Variants in COL19A1 observed in about 807,000 individuals in gnomAD.
The protein encoded by COL19A1 is collagen alpha-1(XIX) chain.
COL19A1 carries 159 observed loss-of-function variants against 190.2 expected under a neutral mutation model. The ratio of observed to expected loss-of-function variants is 0.84; its 90% CI spans 0.73 to 0.95. COL19A1 has a LOEUF of 0.95. Among genes scored for constraint, COL19A1 ranks in the 40% least tolerant of loss-of-function variants. The pLI, the probability that COL19A1 is intolerant of heterozygous loss-of-function variation, is 0.00. For synonymous variants in COL19A1, 509 were observed against 458.9 expected, an observed-to-expected ratio of 1.11 and a Z score of -1.39; for missense variants, 1,418 against 1,431.9, an observed-to-expected ratio of 0.99 and a Z score of 0.16.
Position 70,173,791 on chromosome 6 carries a change from G to A in COL19A1, c.2622+1774G>A, listed in dbSNP as rs149569722. Reference sequence around the variant, plus strand: ...AATAAATAGGCCAGAGGCTGCTAGAGGAAGTAGGGTCGAGGTTTTATAAGA... The same window carrying A: ...AATAAATAGGCCAGAGGCTGCTAGAAGAAGTAGGGTCGAGGTTTTATAAGA... On this transcript the variant is annotated intron_variant, in intron 41 of 50. Coordinates refer to ENST00000620364, the MANE Select transcript of COL19A1 (RefSeq NM_001858.6). 2.6e-5 allele frequency among the ~76,000 whole-genome samples: 4 copies of A among 152,264 alleles called. No homozygotes were observed. The East Asian group carries it at 5.8e-4, about 22-fold the overall frequency.
chr6:69,936,153 G>A (rs910745749), intron 7 of COL19A1, among the ~76,000 whole-genome samples: 8 of 151,974 alleles, frequency 5.3e-5, no homozygotes, highest in South Asian at 4.1e-4. Flanking sequence ...AAAAATGTTC[G>A]TTGCTTTGTA....
intron 41 of COL19A1, among the ~76,000 whole-genome samples, chr6:70,173,331 CA>C (rs981164188): frequency 7.9e-5 from 12 of 152,096 alleles, no homozygotes; most frequent in African/African-American, 2.9e-4. Context: ...ATAAGATTAC[CA>C]AGGGAATGCC....
chr6:70,125,606 GA>G (rs1247535700), intron 17 of COL19A1, among the ~76,000 whole-genome samples: 3 of 151,084 alleles, frequency 2.0e-5, no homozygotes, highest in Non-Finnish European at 4.4e-5. Context: ...AAATGAGGAA[GA>G]AAAAAAAAGC....
At chr6:69,878,063 G>A (rs1466733361) in intron 1 of COL19A1, among the ~76,000 whole-genome samples, 1 of 151,812 alleles carries the variant, frequency 6.6e-6, no homozygotes, top group African/African-American at 2.4e-5. Flanking sequence ...GAATAGACAT[G>A]TCTCCAAAGA....
At chr6:69,922,399 AGAAAC>A (rs1772036501) in intron 4 of COL19A1, among the ~76,000 whole-genome samples, 1 of 151,398 alleles carries the variant, frequency 6.6e-6, no homozygotes. Flanking sequence ...TTGTCACAGC[AGAAAC>A]TACTCATGAG....
chr6:70,035,519 T>C (rs1779305821), intron 13 of COL19A1, among the ~76,000 whole-genome samples: 1 of 152,220 alleles, frequency 6.6e-6, no homozygotes, highest in African/African-American at 2.4e-5. Flanking sequence ...TTATTTCTGC[T>C]GATCTTCATA....
chr6:70,074,708 G>A (rs75362801), intron 15 of COL19A1, among the ~76,000 whole-genome samples: 30,988 of 149,764 alleles, frequency 0.21, 4,221 homozygotes, highest in Non-Finnish European at 0.3. Context: ...AGAAAAGAAT[G>A]GATAATTATG....
chr6:70,192,879 C>T (rs1322588174), intron 48 of COL19A1, among the ~76,000 whole-genome samples: 1 of 152,076 alleles, frequency 6.6e-6, no homozygotes, highest in Admixed American at 6.6e-5. Context: ...AAGAGAAATG[C>T]CAGCGTATGT....
rs572187086 is a variant in COL19A1, at chr6:70,184,797, C to G, written c.2811+59C>G. 2,644 of 1,603,704 alleles carry G rather than the reference C, an allele frequency of 1.6e-3. 57 individuals are homozygous for G. In the South Asian group the frequency reaches 0.028, roughly 17 times the overall value. On this transcript the variant is annotated intron_variant, in intron 45 of 50. Coordinates refer to ENST00000620364, the MANE Select transcript of COL19A1 (RefSeq NM_001858.6). ...ATGCATACTGCATCCAGAATACCTA[C>G]CAACATTTACATCAATCAGACTGAT...
chr6:69,921,366 A>C (rs1771798343), intron 4 of COL19A1, among the ~76,000 whole-genome samples: 1 of 107,714 alleles, frequency 9.3e-6, no homozygotes, highest in Admixed American at 1.1e-4. Context: ...AATCATATAT[A>C]TCATATATAT....
chr6:70,108,565 A>G (rs1215361212), intron 16 of COL19A1, among the ~76,000 whole-genome samples: 1 of 152,142 alleles, frequency 6.6e-6, no homozygotes, highest in African/African-American at 2.4e-5. Context: ...TTAAAAAATT[A>G]TTTTCAGGAT....
At chr6:70,092,465 A>G (rs192010854) in intron 15 of COL19A1, among the ~76,000 whole-genome samples, 1 of 152,314 alleles carries the variant, frequency 6.6e-6, no homozygotes, top group African/African-American at 2.4e-5. Flanking sequence ...GGTAAAACAG[A>G]CAGTAAATTT....
chr6:70,176,005 T>C (rs1765780604), intron 41 of COL19A1, among the ~76,000 whole-genome samples: 1 of 152,040 alleles, frequency 6.6e-6, no homozygotes, highest in Non-Finnish European at 1.5e-5. Flanking sequence ...TAAAAAGGAG[T>C]TGAGTCACTC....
Position 69,879,908 on chromosome 6 carries a change from T to G in COL19A1, c.91+250T>G, listed in dbSNP as rs528790793. 7 of 506,144 alleles carry G rather than the reference T, an allele frequency of 1.4e-5. No homozygotes were observed. The South Asian group carries it at 1.9e-4, about 14-fold the overall frequency. 31.4% of individuals were successfully genotyped at this position (506,144 alleles called of 1,614,324 possible). A position where few individuals can be genotyped will look rare whatever the true frequency, so the allele number is the denominator to read the frequency against. On this transcript the variant is annotated intron_variant, in intron 2 of 50. Transcript: ENST00000620364. Reference sequence around the variant, plus strand: ...CATCTTCAATATTTACAAGTATACATACATGCATGTGTGCCTCTGTGTGTA... The same window carrying G: ...CATCTTCAATATTTACAAGTATACAGACATGCATGTGTGCCTCTGTGTGTA...
At chr6:70,195,136 G>GATATATATATATAT (rs202055762) in intron 48 of COL19A1, among the ~76,000 whole-genome samples, 164 of 135,992 alleles carry the variant, frequency 1.2e-3, no homozygotes, top group African/African-American at 2.4e-3. Flanking sequence ...CATCATTGAT[G>GATATATATATATAT]ATATATATAT....
chr6:70,096,435 T>C (rs1486610986), intron 15 of COL19A1, among the ~76,000 whole-genome samples: 4 of 152,064 alleles, frequency 2.6e-5, no homozygotes, highest in Admixed American at 6.6e-5. Context: ...CAACACTTGT[T>C]TTCAGATTTG....
At chr6:70,024,894 T>C (rs1437804394) in intron 12 of COL19A1, among the ~76,000 whole-genome samples, 1 of 152,116 alleles carries the variant, frequency 6.6e-6, no homozygotes, top group African/African-American at 2.4e-5. Flanking sequence ...CTTACTCCTG[T>C]CATTGGAGGC....
intron 36 of COL19A1, among the ~76,000 whole-genome samples, chr6:70,164,048 C>T (rs1787979999): frequency 6.6e-6 from 1 of 152,116 alleles, no homozygotes; most frequent in Non-Finnish European, 1.5e-5. Flanking sequence ...CTCCAGACAG[C>T]AGACTGGCTC....
At chr6:70,044,140 C>T (rs1000912929) in intron 14 of COL19A1, among the ~76,000 whole-genome samples, 6 of 152,190 alleles carry the variant, frequency 3.9e-5, no homozygotes, top group African/African-American at 1.4e-4. Context: ...TCTTCTGCAG[C>T]TTCCTCACCT....
Sources: allele counts gnomAD v4.1 joint callset (sites outside exome capture counted in the v4.1 genomes callset), GRCh38; gene constraint gnomAD v4.1.1; transcripts MANE v1.5; gene names NCBI Gene and HGNC (gene_info 2026-07-23, HGNC 2026-07-21).